CPQ: variants seen among roughly 807,000 people sequenced by gnomAD.
The protein encoded by CPQ is carboxypeptidase Q, also known as Ser-Met dipeptidase.
Under a neutral mutation model 45.7 loss-of-function variants are expected in CPQ, and 37 were observed. The ratio of observed to expected loss-of-function variants is 0.81; its 90% confidence interval spans 0.62 to 1.07. CPQ has a LOEUF of 1.07. Among genes scored for constraint, CPQ ranks in the 50% least tolerant of loss-of-function variants. CPQ has a pLI of 0.00. For missense variants in CPQ, 537 were observed against 572.9 expected, an observed-to-expected ratio of 0.94 and a Z score of 0.64; for synonymous variants, 186 against 205.8, an observed-to-expected ratio of 0.90 and a Z score of 0.82.
chr8:96,748,961 C>G (rs186312661), intron 1 of CPQ, among the ~76,000 whole-genome samples: 67 of 152,204 alleles, frequency 4.4e-4, no homozygotes, highest in Middle Eastern at 3.4e-3. Flanking sequence ...AATTGCAAAG[C>G]CTTTTCTGAC....
At chr8:96,787,660 T>G (rs1195253527) in intron 2 of CPQ, among the ~76,000 whole-genome samples, 1 of 151,426 alleles carries the variant, frequency 6.6e-6, no homozygotes, top group Non-Finnish European at 1.5e-5. Context: ...TTTAAATTTC[T>G]GGTAGAATTC....
chr8:96,833,075 G>T (rs2130847183), intron 2 of CPQ, among the ~76,000 whole-genome samples: 1 of 152,228 alleles, frequency 6.6e-6, no homozygotes, highest in Admixed American at 6.5e-5. Flanking sequence ...TTTCTAAGGA[G>T]TAAAATTATC....
intron 1 of CPQ, among the ~76,000 whole-genome samples, chr8:96,674,320 T>G (rs1350824016): frequency 6.6e-6 from 1 of 152,196 alleles, no homozygotes; most frequent in Non-Finnish European, 1.5e-5. Flanking sequence ...GTGGGTTTAT[T>G]GAGACTGATA....
chr8:96,824,065 A>G (rs983003028), intron 2 of CPQ, among the ~76,000 whole-genome samples: 1 of 152,070 alleles, frequency 6.6e-6, no homozygotes, highest in Non-Finnish European at 1.5e-5. Flanking sequence ...CTCTTAGTGG[A>G]GATGGCCTCT....
chr8:96,950,672 C>T (rs1813250109), intron 4 of CPQ, among the ~76,000 whole-genome samples: 2 of 152,094 alleles, frequency 1.3e-5, no homozygotes, highest in Admixed American at 1.3e-4. Flanking sequence ...CAAGAACATA[C>T]ACCATAGCAA....
chr8:97,015,355 T>C (rs1809560654), intron 5 of CPQ, among the ~76,000 whole-genome samples: 1 of 151,888 alleles, frequency 6.6e-6, no homozygotes, highest in African/African-American at 2.4e-5. Context: ...GATTCCTACA[T>C]GATACTAGCA....
chr8:96,724,809 A>G (rs1809815116), intron 1 of CPQ, among the ~76,000 whole-genome samples: 1 of 152,176 alleles, frequency 6.6e-6, no homozygotes, highest in South Asian at 2.1e-4. Flanking sequence ...AAGCAATCTT[A>G]AGTAAAAAGA....
chr8:97,008,587 A>C (rs146693602), intron 5 of CPQ, among the ~76,000 whole-genome samples: 27 of 152,292 alleles, frequency 1.8e-4, no homozygotes, highest in Admixed American at 2.6e-4. Context: ...TCTACTGGGC[A>C]CACTGAGGGA....
chr8:97,140,176 ATGTAATTTCC>A (rs200680041), intron 7 of CPQ, among the ~76,000 whole-genome samples: 3,102 of 152,090 alleles, frequency 0.02, 48 homozygotes, highest in Non-Finnish European at 0.032. Context: ...TCCTAGACAA[ATGTAATTTCC>A]ATAGTTAATT....
intron 7 of CPQ, among the ~76,000 whole-genome samples, chr8:97,140,012 TA>T (rs35599124): frequency 6.1e-5 from 9 of 147,960 alleles, no homozygotes; most frequent in South Asian, 4.2e-4. Flanking sequence ...AAGCAAGATT[TA>T]AAAAAAAAAC....
chr8:96,816,943 G>A (rs1488145317), intron 2 of CPQ, among the ~76,000 whole-genome samples: 1 of 152,088 alleles, frequency 6.6e-6, no homozygotes, highest in Non-Finnish European at 1.5e-5. Flanking sequence ...ATAGAGCACT[G>A]TTAGAGTAGA....
At chr8:96,806,260 A>G (rs1480886685) in intron 2 of CPQ, among the ~76,000 whole-genome samples, 2 of 152,074 alleles carry the variant, frequency 1.3e-5, no homozygotes, top group African/African-American at 2.4e-5. Context: ...ATTGGAAAAT[A>G]TAATAAAATT....
intron 4 of CPQ, among the ~76,000 whole-genome samples, chr8:96,893,154 T>C (rs2130890863): frequency 6.6e-6 from 1 of 152,310 alleles, no homozygotes; most frequent in South Asian, 2.1e-4. Flanking sequence ...GGATTTAAAT[T>C]CATCTGTCCT....
At chr8:96,891,710 CAT>C (rs1812379232) in intron 4 of CPQ, among the ~76,000 whole-genome samples, 1 of 152,144 alleles carries the variant, frequency 6.6e-6, no homozygotes, top group Non-Finnish European at 1.5e-5. Flanking sequence ...TTTGTATATA[CAT>C]ATTATCCCAT....
intron 1 of CPQ, among the ~76,000 whole-genome samples, chr8:96,782,354 G>C (rs1184922842): frequency 6.6e-6 from 1 of 152,142 alleles, no homozygotes; most frequent in African/African-American, 2.4e-5. Context: ...CTGCACATGT[G>C]CCTGCTCAAG....
chr8:96,854,630 G>T (rs535681551), intron 3 of CPQ, among the ~76,000 whole-genome samples: 1 of 150,890 alleles, frequency 6.6e-6, no homozygotes, highest in African/African-American at 2.4e-5. Context: ...ATCCAATAGG[G>T]TGTGTGTTTG....
At chr8:96,778,526 T>G (rs886114019) in intron 1 of CPQ, among the ~76,000 whole-genome samples, 1 of 152,170 alleles carries the variant, frequency 6.6e-6, no homozygotes, top group Non-Finnish European at 1.5e-5. Context: ...GTTTTGTGCC[T>G]TCAATCTTAG....
intron 5 of CPQ, among the ~76,000 whole-genome samples, chr8:96,971,365 C>A (rs527473872): frequency 2.0e-5 from 3 of 152,328 alleles, no homozygotes; most frequent in Admixed American, 1.3e-4. Context: ...TTTATCCACA[C>A]TATCTGAGTC....
At chr8:96,661,941 C>G (rs796555690) in intron 1 of CPQ, among the ~76,000 whole-genome samples, 2 of 152,194 alleles carry the variant, frequency 1.3e-5, no homozygotes, top group African/African-American at 4.8e-5. Flanking sequence ...CACATCCTCA[C>G]CAGCATTTGG....
Sources: gnomAD v4.1 joint callset for allele counts (sites outside exome capture counted in the v4.1 genomes callset) on GRCh38, gnomAD v4.1.1 for gene constraint, MANE v1.5 for transcripts, NCBI Gene and HGNC (gene_info 2026-07-23, HGNC 2026-07-21) for gene names.